ANKS1B: variants seen among roughly 807,000 people sequenced by gnomAD.
ANKS1B encodes the protein ankyrin repeat and sterile alpha motif domain-containing protein 1B.
In ANKS1B, 36 loss-of-function variants were observed where a neutral mutation model predicts 148.3. The observed-to-expected ratio is 0.24, with a 90% CI of 0.19 to 0.32. The LOEUF (loss-of-function observed/expected upper bound fraction) is 0.32. Ranked by LOEUF, ANKS1B falls within the 10% of genes least tolerant of loss-of-function variation. ANKS1B has a pLI of 1.00. For missense variants in ANKS1B, 1,157 were observed against 1,542.6 expected (o/e 0.75, Z 4.19); for synonymous variants, 542 against 560.8 (o/e 0.97, Z 0.47).
intron 20 of ANKS1B, among the ~76,000 whole-genome samples, chr12:98,806,043 T>C (rs1408532396): frequency 6.6e-6 from 1 of 152,168 alleles, no homozygotes; most frequent in Non-Finnish European, 1.5e-5. Context: ...GGCTAACTTT[T>C]GTATATTTAG....
rs114966115 is a variant in ANKS1B, at chr12:99,387,132, T to C, written c.1756+12499A>G. Among the ~76,000 whole-genome samples, 645 of 151,478 alleles carry C rather than the reference T, an allele frequency of 4.3e-3. 9 individuals carry two copies. Among genetic ancestry groups the C allele is most frequent in the African/African-American group, 0.015 (609 of 40,898 alleles). On this transcript the variant is annotated intron_variant, in intron 12 of 26. Transcript: ENST00000683438. ...CATGTGAAGAACGCTAGGGGGAGTA[T>C]GGATGCAAGAATTGGTGGGAGTTAA...
chr12:98,786,927 T>G (rs2098800798), intron 22 of ANKS1B, among the ~76,000 whole-genome samples: 1 of 152,236 alleles, frequency 6.6e-6, no homozygotes, highest in South Asian at 2.1e-4. Context: ...GCCATCCAAC[T>G]TACAGTATAT....
chr12:98,981,847 A>ATTCG (rs2099911430), intron 17 of ANKS1B, among the ~76,000 whole-genome samples: 1 of 152,252 alleles, frequency 6.6e-6, no homozygotes, highest in African/African-American at 2.4e-5. Context: ...GATTGATAAT[A>ATTCG]TTCGTGTCTT....
chr12:98,961,885 T>C (rs1231043588), intron 17 of ANKS1B, among the ~76,000 whole-genome samples: 3 of 151,616 alleles, frequency 2.0e-5, no homozygotes, highest in African/African-American at 7.3e-5. Flanking sequence ...TCATGGTAAC[T>C]TCAAATCAAA....
At chr12:98,781,468 C>T (rs2098735599) in intron 23 of ANKS1B, 3 of 559,408 alleles carry the variant, frequency 5.4e-6, no homozygotes, top group Non-Finnish European at 1.0e-5. Context: ...TGTTCCGCTA[C>T]TTTGTGTGGA....
chr12:99,521,981 C>A (rs919363986), intron 9 of ANKS1B, among the ~76,000 whole-genome samples: 13 of 152,176 alleles, frequency 8.5e-5, no homozygotes, highest in African/African-American at 2.9e-4. Context: ...GGAAGTTCCC[C>A]TAGGTCCTGG....
intron 12 of ANKS1B, among the ~76,000 whole-genome samples, chr12:99,262,673 TA>T (rs901262967): frequency 1.2e-4 from 19 of 152,014 alleles, no homozygotes; most frequent in African/African-American, 2.7e-4. Flanking sequence ...TTTATGTAAT[TA>T]AAAAAAATTT....
At chr12:99,635,852 T>A (rs550783667) in intron 9 of ANKS1B, among the ~76,000 whole-genome samples, 1 of 152,220 alleles carries the variant, frequency 6.6e-6, no homozygotes, top group African/African-American at 2.4e-5. Flanking sequence ...CGATAAATGA[T>A]GCTAGGACAA....
chr12:99,834,257 T>A (rs1195846878), intron 1 of ANKS1B, among the ~76,000 whole-genome samples: 1 of 152,176 alleles, frequency 6.6e-6, no homozygotes, highest in East Asian at 1.9e-4. Context: ...CTAGACACAT[T>A]TAAGAAATGT....
intron 1 of ANKS1B, among the ~76,000 whole-genome samples, chr12:99,969,766 T>C (rs1404710340): frequency 6.6e-6 from 1 of 152,220 alleles, no homozygotes; most frequent in Admixed American, 6.5e-5. Context: ...TATGCATTGA[T>C]CCCTATGGCA....
chr12:99,942,279 T>C (rs2094939546), intron 1 of ANKS1B, among the ~76,000 whole-genome samples: 1 of 152,134 alleles, frequency 6.6e-6, no homozygotes, highest in Non-Finnish European at 1.5e-5. Flanking sequence ...AACAGCATTA[T>C]TTGCAACAGA....
chr12:99,831,509 A>G (rs1428864423), intron 1 of ANKS1B, among the ~76,000 whole-genome samples: 1 of 152,246 alleles, frequency 6.6e-6, no homozygotes, highest in Non-Finnish European at 1.5e-5. Context: ...TATTTATCAC[A>G]GAGTGAGGGT....
intron 8 of ANKS1B, among the ~76,000 whole-genome samples, chr12:99,723,821 C>G (rs558663405): frequency 6.6e-6 from 1 of 152,146 alleles, no homozygotes; most frequent in South Asian, 2.1e-4. Flanking sequence ...TTCCAGCCTC[C>G]TTGAGTGACT....
chr12:98,762,278 AC>A (rs1445340276), intron 25 of ANKS1B, among the ~76,000 whole-genome samples: 1 of 152,120 alleles, frequency 6.6e-6, no homozygotes, highest in African/African-American at 2.4e-5. Flanking sequence ...GGTCCAGGTG[AC>A]CTATTGGTCC....
rs889661559 is a variant in ANKS1B, at chr12:99,978,930, T to C, written c.134+5174A>G. ...CGAGGCATTAAGAAAATCAAATAAA[T>C]TGAGGCATTAATAAAGTTTTATCAC... is the stretch of plus-strand genomic sequence containing the variant. On this transcript the variant is annotated intron_variant, in intron 1 of 26. Coordinates refer to ENST00000683438, the MANE Select transcript of ANKS1B (RefSeq NM_001352186.2). Among the ~76,000 whole-genome samples the C allele has an allele frequency of 1.6e-4, 25 of 152,254 alleles. No homozygotes were observed. The East Asian group carries it at 4.8e-3, about 29-fold the overall frequency.
At chr12:99,621,931 C>T (rs1177331436) in intron 9 of ANKS1B, among the ~76,000 whole-genome samples, 2 of 151,972 alleles carry the variant, frequency 1.3e-5, no homozygotes, top group Non-Finnish European at 2.9e-5. Flanking sequence ...GAATACTCCA[C>T]CCATGAACCA....
chr12:99,104,502 G>T (rs1017765580), intron 15 of ANKS1B: 1 of 152,034 alleles, frequency 6.6e-6, no homozygotes, highest in East Asian at 1.9e-4. Flanking sequence ...TCGGCTATTT[G>T]TTCTTCTCTT....
At chr12:99,097,659 T>C (rs887116854) in intron 15 of ANKS1B, among the ~76,000 whole-genome samples, 2 of 152,182 alleles carry the variant, frequency 1.3e-5, no homozygotes, top group African/African-American at 4.8e-5. Context: ...ATGATAGTAA[T>C]AGAGTTGTGT....
At chr12:99,435,941 G>A (rs1240944042) in intron 11 of ANKS1B, among the ~76,000 whole-genome samples, 2 of 151,980 alleles carry the variant, frequency 1.3e-5, no homozygotes, top group East Asian at 3.9e-4. Context: ...TGTCAACGTT[G>A]ACTGTTGGGT....
Sources: allele counts gnomAD v4.1 joint callset (sites outside exome capture counted in the v4.1 genomes callset), GRCh38; gene constraint gnomAD v4.1.1; transcripts MANE v1.5; gene names NCBI Gene and HGNC (gene_info 2026-07-23, HGNC 2026-07-21).